Variants in RAD51B observed in about 807,000 individuals in gnomAD.
RAD51B encodes RAD51 paralog B.
In RAD51B, 38 loss-of-function variants were observed where a neutral mutation model predicts 42.2. The ratio of observed to expected loss-of-function variants is 0.90; its 90% CI spans 0.70 to 1.18. The LOEUF (loss-of-function observed/expected upper bound fraction) is 1.18. Ranked by LOEUF, RAD51B falls within the 50% of genes most tolerant of loss-of-function variation. The probability of loss-of-function intolerance (pLI) is 0.00; values close to 1 mark genes in which losing one functional copy is unlikely to be tolerated. For missense variants in RAD51B, 373 were observed against 400.7 expected (o/e 0.93, Z 0.59); for synonymous variants, 154 against 145.2 (o/e 1.06, Z -0.43).
intron 7 of RAD51B, among the ~76,000 whole-genome samples, chr14:67,946,831 A>G (rs571638062): frequency 6.6e-6 from 1 of 152,244 alleles, no homozygotes; most frequent in Non-Finnish European, 1.5e-5. Flanking sequence ...TAAGCTTTGC[A>G]TATGTTCTCC....
At chr14:68,067,465 G>GAAA (rs35062985) in intron 7 of RAD51B, among the ~76,000 whole-genome samples, 1 of 95,924 alleles carries the variant, frequency 1.0e-5, no homozygotes. Context: ...CTCCATCTCG[G>GAAA]AAAAAAAAAA....
At chr14:68,171,128 T>A (rs1464192604) in intron 7 of RAD51B, among the ~76,000 whole-genome samples, 2 of 152,210 alleles carry the variant, frequency 1.3e-5, no homozygotes, top group African/African-American at 4.8e-5. Context: ...CATGTATTTA[T>A]AGAAGAGGTT....
chr14:68,407,164 G>A (rs2084299129), intron 8 of RAD51B, among the ~76,000 whole-genome samples: 1 of 151,916 alleles, frequency 6.6e-6, no homozygotes. Context: ...TACATTAAAA[G>A]TATAGTAAAT....
chr14:68,433,812 G>C (rs1045896811), intron 9 of RAD51B, among the ~76,000 whole-genome samples: 4 of 152,212 alleles, frequency 2.6e-5, no homozygotes, highest in Non-Finnish European at 5.9e-5. Flanking sequence ...CTTTGGAGGG[G>C]GAGAGGCACT....
At chr14:68,205,501 C>T (rs1383184276) in intron 7 of RAD51B, among the ~76,000 whole-genome samples, 1 of 152,040 alleles carries the variant, frequency 6.6e-6, no homozygotes, top group African/African-American at 2.4e-5. Context: ...TTTCAACCTG[C>T]TTAGGATAAT....
At chr14:68,585,619 A>G (rs1303484802) in intron 10 of RAD51B, among the ~76,000 whole-genome samples, 1 of 152,186 alleles carries the variant, frequency 6.6e-6, no homozygotes, top group East Asian at 1.9e-4. Context: ...CCTAAATGCT[A>G]AGTAAATTCC....
chr14:68,345,230 GA>G (rs2082654824), intron 8 of RAD51B, among the ~76,000 whole-genome samples: 1 of 152,210 alleles, frequency 6.6e-6, no homozygotes, highest in Non-Finnish European at 1.5e-5. Flanking sequence ...GAACTATTGA[GA>G]AAGGATGATT....
intron 7 of RAD51B, among the ~76,000 whole-genome samples, chr14:68,043,674 A>T (rs1390237225): frequency 6.6e-6 from 1 of 152,228 alleles, no homozygotes; most frequent in Non-Finnish European, 1.5e-5. Context: ...TACAGAGCTG[A>T]TATGCAACCT....
chr14:67,886,567 G>A (rs2043067244), intron 6 of RAD51B: 1 of 225,564 alleles, frequency 4.4e-6, no homozygotes, highest in Non-Finnish European at 8.8e-6. Flanking sequence ...TGAGAGACTG[G>A]GCAAGTGAAA....
At position 68,000,527 on chromosome 14, in the gene RAD51B, T is replaced by C. The variant is rs2075462545; in HGVS notation, c.756+113323T>C. ...TTCTAAACTTAAGTATTTTATTTCA[T>C]TGAGGTTAAAATATGTCCTGTTAAG... On this transcript the variant is annotated intron_variant, in intron 7 of 10. Transcript: ENST00000471583. 2.6e-5 allele frequency among the ~76,000 whole-genome samples: 4 copies of C among 152,210 alleles called. No homozygotes were observed. The South Asian group carries it at 6.2e-4, about 24-fold the overall frequency.
intron 7 of RAD51B, among the ~76,000 whole-genome samples, chr14:68,264,594 A>G (rs138784719): frequency 9.9e-4 from 151 of 152,358 alleles, no homozygotes; most frequent in African/African-American, 3.5e-3. Context: ...TTTAGAGGCT[A>G]GGAAAGGTAG....
intron 7 of RAD51B, among the ~76,000 whole-genome samples, chr14:68,008,205 C>A (rs1189064337): frequency 1.3e-5 from 2 of 151,824 alleles, no homozygotes; most frequent in African/African-American, 4.8e-5. Context: ...CCAGTATCAT[C>A]TTTAATGGCA....
Position 68,371,866 on chromosome 14 carries a change from A to G in RAD51B, c.854-39558A>G, listed in dbSNP as rs772881362. On this transcript the variant is annotated intron_variant, in intron 8 of 10. Transcript: ENST00000471583. ...ACCCTGTCTCAAAAAATAAATAAAT[A>G]AGAAGAGAAAGATATGCAAGTGGAC... Among the ~76,000 whole-genome samples the G allele has an allele frequency of 1.6e-4, 25 of 152,248 alleles. 1 individual carries two copies. The highest frequency in any genetic ancestry group is 3.1e-4 in the Non-Finnish European group (21 of 68,040).
chr14:68,655,394 G>A (rs1402582472), intron 11 of RAD51B, among the ~76,000 whole-genome samples: 2 of 152,078 alleles, frequency 1.3e-5, no homozygotes, highest in Admixed American at 6.5e-5. Flanking sequence ...GGGAGGGGAG[G>A]GGCTCAAATA....
At chr14:67,965,324 CTTTG>C (rs1169196209) in intron 7 of RAD51B, among the ~76,000 whole-genome samples, 2 of 152,166 alleles carry the variant, frequency 1.3e-5, no homozygotes, top group Non-Finnish European at 2.9e-5. Context: ...TGCTTTTTGA[CTTTG>C]TTTGTACTCT....
chr14:67,892,750 C>T (rs138806068), intron 7 of RAD51B, among the ~76,000 whole-genome samples: 2 of 152,320 alleles, frequency 1.3e-5, no homozygotes, highest in African/African-American at 2.4e-5. Context: ...AGGTCATCTG[C>T]ATGCAGGCAT....
chr14:68,402,644 C>T (rs1207743630), intron 8 of RAD51B, among the ~76,000 whole-genome samples: 2 of 152,154 alleles, frequency 1.3e-5, no homozygotes, highest in African/African-American at 4.8e-5. Context: ...AGCAAAAGAA[C>T]CCATGCCTGT....
At chr14:68,147,663 A>G (rs2078280331) in intron 7 of RAD51B, among the ~76,000 whole-genome samples, 1 of 152,170 alleles carries the variant, frequency 6.6e-6, no homozygotes, top group African/African-American at 2.4e-5. Context: ...TAGGTTTTCA[A>G]TAAATATTTT....
chr14:68,673,138 G>A (rs895569066), intron 11 of RAD51B, among the ~76,000 whole-genome samples: 5 of 152,088 alleles, frequency 3.3e-5, no homozygotes, highest in African/African-American at 9.7e-5. Context: ...TATCAACACA[G>A]GAAAAAAGTT....
Sources: allele counts gnomAD v4.1 joint callset (sites outside exome capture counted in the v4.1 genomes callset), GRCh38; gene constraint gnomAD v4.1.1; transcripts MANE v1.5; gene names NCBI Gene and HGNC (gene_info 2026-07-23, HGNC 2026-07-21).